Variants in CCSER1 observed in about 807,000 individuals in gnomAD.
CCSER1 encodes coiled-coil serine rich protein 1.
A neutral mutation model predicts 82.0 loss-of-function variants in CCSER1; 41 were observed. That is an observed-to-expected ratio of 0.50 (90% CI 0.39 to 0.65). CCSER1 has a LOEUF of 0.65. Among genes scored for constraint, CCSER1 ranks in the 30% least tolerant of loss-of-function variants. The probability of loss-of-function intolerance (pLI) is 0.00; values close to 1 mark genes in which losing one functional copy is unlikely to be tolerated. For synonymous variants in CCSER1, 414 were observed against 383.9 expected (o/e 1.08, Z -0.92); for missense variants, 1,119 against 1,064.2 (o/e 1.05, Z -0.72).
At chr4:90,228,158 C>T (rs1048399012) in intron 1 of CCSER1, among the ~76,000 whole-genome samples, 2 of 135,222 alleles carry the variant, frequency 1.5e-5, no homozygotes, top group African/African-American at 5.9e-5. Context: ...GGAGGCTCCA[C>T]CTCTGGGGGC....
intron 5 of CCSER1, among the ~76,000 whole-genome samples, chr4:90,508,941 A>G (rs2153615718): frequency 6.6e-6 from 1 of 152,146 alleles, no homozygotes; most frequent in African/African-American, 2.4e-5. Flanking sequence ...CTAAAATAGG[A>G]TTAGCATATA....
At chr4:90,600,603 T>G (rs995962854) in intron 5 of CCSER1, among the ~76,000 whole-genome samples, 12 of 152,128 alleles carry the variant, frequency 7.9e-5, no homozygotes, top group Non-Finnish European at 1.2e-4. Flanking sequence ...TCTTCCAGAC[T>G]CTGGCTAATC....
Position 90,397,552 on chromosome 4 carries a change from G to A in CCSER1, c.1510-2484G>A, listed in dbSNP as rs768071285. Among the ~76,000 whole-genome samples, 11 of 152,164 alleles carry A rather than the reference G, an allele frequency of 7.2e-5. No homozygotes were observed. The South Asian group carries it at 1.5e-3, about 20-fold the overall frequency. On this transcript the variant is annotated intron_variant, in intron 3 of 10. Coordinates refer to ENST00000509176, the MANE Select transcript of CCSER1 (RefSeq NM_001145065.2). Reference sequence around the variant, plus strand: ...CCTATGACATTTTTTAATTTTTCAAGTAGGCTTAGACTGGTCTTGACTACA... The same window carrying A: ...CCTATGACATTTTTTAATTTTTCAAATAGGCTTAGACTGGTCTTGACTACA...
At chr4:90,758,873 C>T (rs1749981255) in intron 7 of CCSER1, among the ~76,000 whole-genome samples, 1 of 152,122 alleles carries the variant, frequency 6.6e-6, no homozygotes, top group African/African-American at 2.4e-5. Context: ...TTGTATATCT[C>T]ATGGTGATGG....
chr4:90,746,679 A>G (rs1197069407), intron 7 of CCSER1, among the ~76,000 whole-genome samples: 4 of 152,326 alleles, frequency 2.6e-5, no homozygotes, highest in African/African-American at 9.6e-5. Flanking sequence ...TGTCTGAGAT[A>G]ACTGCATTTC....
rs1033698981 is a variant in CCSER1 at position 90,569,345 on chromosome 4, T to G, written c.1725-58680T>G. 2.0e-5 allele frequency among the ~76,000 whole-genome samples: 3 copies of G among 152,196 alleles called. No individual in the cohort carries two copies. The East Asian group carries it at 5.8e-4, about 30-fold the overall frequency. On this transcript the variant is annotated intron_variant, in intron 5 of 10. Coordinates refer to ENST00000509176, the MANE Select transcript of CCSER1 (RefSeq NM_001145065.2). The stretch of plus-strand genomic sequence containing the variant: ...TTGTGGCCTGAAGCTCTGGACTGAT[T>G]GGCAAAAATTTTAAAGCTGACAATA...
chr4:91,214,410 G>A (rs1365212507), intron 10 of CCSER1, among the ~76,000 whole-genome samples: 1 of 152,138 alleles, frequency 6.6e-6, no homozygotes, highest in Non-Finnish European at 1.5e-5. Flanking sequence ...CCCATAAAGA[G>A]ACCATCAACC....
At chr4:90,221,033 G>T (rs1425596848) in intron 1 of CCSER1, among the ~76,000 whole-genome samples, 2 of 152,048 alleles carry the variant, frequency 1.3e-5, no homozygotes, top group Non-Finnish European at 2.9e-5. Flanking sequence ...AATGGGAATT[G>T]ATTTTTACAA....
intron 10 of CCSER1, among the ~76,000 whole-genome samples, chr4:91,098,542 T>A (rs1724732896): frequency 6.7e-6 from 1 of 150,224 alleles, no homozygotes; most frequent in Non-Finnish European, 1.5e-5. Flanking sequence ...TCACTGGAGA[T>A]AATTTTTTTT....
chr4:91,262,303 A>C (rs981536934), intron 10 of CCSER1, among the ~76,000 whole-genome samples: 3 of 152,092 alleles, frequency 2.0e-5, no homozygotes, highest in African/African-American at 7.2e-5. Context: ...TTTAGGACAA[A>C]ATAGACTCTC....
intron 7 of CCSER1, among the ~76,000 whole-genome samples, chr4:90,762,181 C>T (rs1199579573): frequency 6.6e-6 from 1 of 152,050 alleles, no homozygotes; most frequent in Admixed American, 6.6e-5. Flanking sequence ...TGGTTACCTC[C>T]ATGCTGTTCT....
chr4:90,230,651 A>T (rs1308920706), intron 1 of CCSER1, among the ~76,000 whole-genome samples: 1 of 149,688 alleles, frequency 6.7e-6, no homozygotes, highest in Non-Finnish European at 1.5e-5. Flanking sequence ...TAGAGACACA[A>T]AAAACCCTTC....
At chr4:91,185,459 G>T (rs1019938106) in intron 10 of CCSER1, among the ~76,000 whole-genome samples, 1 of 152,144 alleles carries the variant, frequency 6.6e-6, no homozygotes, top group African/African-American at 2.4e-5. Flanking sequence ...CTCCTGTTAG[G>T]GACCTTTTGT....
intron 10 of CCSER1, among the ~76,000 whole-genome samples, chr4:91,293,963 T>G (rs889298582): frequency 6.6e-6 from 1 of 151,928 alleles, no homozygotes; most frequent in African/African-American, 2.4e-5. Flanking sequence ...GTTAAGAGCT[T>G]AGAGTCTTCC....
chr4:90,476,628 A>G (rs921455939), intron 5 of CCSER1, among the ~76,000 whole-genome samples: 2 of 152,226 alleles, frequency 1.3e-5, no homozygotes, highest in Admixed American at 6.5e-5. Flanking sequence ...GAAAAAAACT[A>G]AAGAAGGTTT....
intron 9 of CCSER1, among the ~76,000 whole-genome samples, chr4:91,076,871 A>C (rs1470720683): frequency 6.6e-6 from 1 of 152,300 alleles, no homozygotes; most frequent in South Asian, 2.1e-4. Flanking sequence ...CATGGTATTC[A>C]AATTTTGTAG....
chr4:91,070,541 A>AG (rs1366319350), intron 9 of CCSER1, among the ~76,000 whole-genome samples: 1 of 152,168 alleles, frequency 6.6e-6, no homozygotes, highest in Non-Finnish European at 1.5e-5. Context: ...CAGGCTGCCC[A>AG]GCTGGAGATG....
intron 1 of CCSER1, among the ~76,000 whole-genome samples, chr4:90,202,491 C>A (rs940328018): frequency 6.6e-6 from 1 of 152,188 alleles, no homozygotes; most frequent in Non-Finnish European, 1.5e-5. Flanking sequence ...GCATGAGCCA[C>A]TGTGACCCGC....
intron 10 of CCSER1, among the ~76,000 whole-genome samples, chr4:91,593,467 CTTT>C (rs753973015): frequency 3.6e-5 from 2 of 55,044 alleles, no homozygotes; most frequent in African/African-American, 7.3e-5. Context: ...CAACCCCGTG[CTTT>C]TTTTTTTTTT....
Sources: gnomAD v4.1 joint callset for allele counts (sites outside exome capture counted in the v4.1 genomes callset) on GRCh38, gnomAD v4.1.1 for gene constraint, MANE v1.5 for transcripts, NCBI Gene and HGNC (gene_info 2026-07-23, HGNC 2026-07-21) for gene names.